The following NOS1AP variants were observed in gnomAD, a reference collection of about 807,000 sequenced individuals.
NOS1AP encodes carboxyl-terminal PDZ ligand of neuronal nitric oxide synthase protein.
In NOS1AP, 21 loss-of-function variants were observed where a neutral mutation model predicts 56.2. The ratio of observed to expected loss-of-function variants is 0.37; its 90% CI spans 0.26 to 0.54. The LOEUF is 0.54. Among genes scored for constraint, NOS1AP ranks in the 20% least tolerant of loss-of-function variants. NOS1AP has a pLI of 0.84. For missense variants in NOS1AP, 522 were observed against 657.8 expected (o/e 0.79, Z 2.26); for synonymous variants, 270 against 274.6 (o/e 0.98, Z 0.17).
intron 4 of NOS1AP, among the ~76,000 whole-genome samples, chr1:162,320,000 C>T (rs900959088): frequency 2.0e-5 from 3 of 152,188 alleles, no homozygotes; most frequent in African/African-American, 7.2e-5. Context: ...TTCCCACAGG[C>T]AGCTGGCTGC....
intron 1 of NOS1AP, among the ~76,000 whole-genome samples, chr1:162,104,895 C>T (rs185046291): frequency 6.6e-6 from 1 of 152,284 alleles, no homozygotes; most frequent in Admixed American, 6.5e-5. Context: ...CTTTCTGAAG[C>T]CTTCTTCTGT....
intron 4 of NOS1AP, among the ~76,000 whole-genome samples, chr1:162,305,420 T>C (rs1655794241): frequency 6.6e-6 from 1 of 152,008 alleles, no homozygotes; most frequent in African/African-American, 2.4e-5. Flanking sequence ...TTTATTACAG[T>C]ATACCTCTTT....
intron 1 of NOS1AP, among the ~76,000 whole-genome samples, chr1:162,081,334 A>C (rs1691881209): frequency 6.6e-6 from 1 of 152,128 alleles, no homozygotes; most frequent in Non-Finnish European, 1.5e-5. Context: ...TCACCTGTAA[A>C]GACTTTTCTG....
At chr1:162,281,232 A>G (rs1654915458) in intron 2 of NOS1AP, among the ~76,000 whole-genome samples, 1 of 152,200 alleles carries the variant, frequency 6.6e-6, no homozygotes, top group Non-Finnish European at 1.5e-5. Context: ...AAGTCCTTGC[A>G]CTTCGGAATG....
intron 8 of NOS1AP, chr1:162,363,719 C>A: frequency 1.2e-6 from 1 of 856,252 alleles, no homozygotes; most frequent in Non-Finnish European, 1.4e-6. Context: ...GTTTGGGGAG[C>A]TATATGTCAG....
At chr1:162,139,465 G>A (rs2102072463) in intron 1 of NOS1AP, among the ~76,000 whole-genome samples, 1 of 152,322 alleles carries the variant, frequency 6.6e-6, no homozygotes, top group South Asian at 2.1e-4. Context: ...CTCAGTGCTG[G>A]AGGAACAATG....
Position 162,154,456 on chromosome 1 carries a change from G to A in NOS1AP, c.157G>A (p.Ala53Thr). 5 of 1,614,116 alleles carry A rather than the reference G, an allele frequency of 3.1e-6. No individual in the cohort carries two copies. The highest frequency in any genetic ancestry group is 4.2e-6 in the Non-Finnish European group (5 of 1,180,018). ...GCCCAACAGCAGGGTGGAGATCGTG[G>A]CTGCCATGCGCCGGATACGGGTGAG... Reference protein sequence around the residue: ...PRPNSRVEIVAAMRRIRYEFK... With the variant: ...PRPNSRVEIVTAMRRIRYEFK... Residue 53 changes from alanine to threonine, a missense_variant, in exon 2 of 10, where the codon GCT becomes ACT. By Grantham distance (58) the Ala-to-Thr change is moderately conservative. Around this residue, in one of 4 missense-constraint regions of NOS1AP, gnomAD observed 132 missense variants for 218.1 expected, o/e 0.61. Coordinates refer to ENST00000361897, the MANE Select transcript of NOS1AP (RefSeq NM_014697.3).
intron 1 of NOS1AP, among the ~76,000 whole-genome samples, chr1:162,096,760 A>G (rs1051247596): frequency 2.0e-5 from 3 of 152,184 alleles, no homozygotes; most frequent in Non-Finnish European, 4.4e-5. Context: ...GTTTACCCTT[A>G]TTAGTTCATT....
intron 6 of NOS1AP, among the ~76,000 whole-genome samples, chr1:162,344,999 T>G (rs2101808350): frequency 6.6e-6 from 1 of 152,142 alleles, no homozygotes; most frequent in South Asian, 2.1e-4. Flanking sequence ...TACTTATGAA[T>G]AATCACAATA....
Position 162,116,929 on chromosome 1 carries a change from G to T in NOS1AP, c.106-37476G>T, listed in dbSNP as rs1028535558. Reference sequence around the variant, plus strand: ...ACATAGATCTGTAGCTTTTTGGGGGGGCTGGAGGGTACTCATATATTTCAT... The same window carrying T: ...ACATAGATCTGTAGCTTTTTGGGGGTGCTGGAGGGTACTCATATATTTCAT... On this transcript the variant is annotated intron_variant, in intron 1 of 9. Transcript: ENST00000361897. Among the ~76,000 whole-genome samples, 3 of 152,104 alleles carry T rather than the reference G, an allele frequency of 2.0e-5. No individual in the cohort carries two copies. In the South Asian group the frequency reaches 6.2e-4, roughly 31 times the overall value.
At chr1:162,089,062 A>AAAAT (rs1473675103) in intron 1 of NOS1AP, among the ~76,000 whole-genome samples, 1 of 152,144 alleles carries the variant, frequency 6.6e-6, no homozygotes, top group Non-Finnish European at 1.5e-5. Flanking sequence ...TTTTAATGCA[A>AAAAT]AATTGTATTT....
chr1:162,176,505 C>A (rs1389645071), intron 2 of NOS1AP, among the ~76,000 whole-genome samples: 1 of 87,470 alleles, frequency 1.1e-5, no homozygotes, highest in Non-Finnish European at 2.0e-5. Context: ...CATAATAGCT[C>A]TTTTTTTTTT....
At chr1:162,131,656 G>A (rs1443458425) in intron 1 of NOS1AP, among the ~76,000 whole-genome samples, 1 of 151,988 alleles carries the variant, frequency 6.6e-6, no homozygotes, top group African/African-American at 2.4e-5. Context: ...TGATTTAGCT[G>A]CTGTCCAAGC....
At chr1:162,089,727 A>G (rs1220834160) in intron 1 of NOS1AP, among the ~76,000 whole-genome samples, 2 of 152,202 alleles carry the variant, frequency 1.3e-5, no homozygotes, top group Non-Finnish European at 2.9e-5. Flanking sequence ...CCACAGAGGC[A>G]GATATTGGAG....
intron 3 of NOS1AP, 99 bp from the exon 4 acceptor site, chr1:162,300,534 C>A: frequency 2.8e-6 from 3 of 1,056,560 alleles, no homozygotes; most frequent in Non-Finnish European, 4.4e-6. Flanking sequence ...GGGAAAAAGT[C>A]AGGTCAGGAG....
At chr1:162,104,691 A>C (rs777174431) in intron 1 of NOS1AP, among the ~76,000 whole-genome samples, 1 of 151,694 alleles carries the variant, frequency 6.6e-6, no homozygotes, top group Non-Finnish European at 1.5e-5. Context: ...CACTTGGTCT[A>C]TTCTGCTACT....
intron 2 of NOS1AP, among the ~76,000 whole-genome samples, chr1:162,244,404 C>T (rs1007823902): frequency 6.6e-6 from 1 of 152,112 alleles, no homozygotes; most frequent in Non-Finnish European, 1.5e-5. Flanking sequence ...AGGACTGCTC[C>T]AAGTTCTATG....
At chr1:162,087,861 T>C (rs1692039033) in intron 1 of NOS1AP, among the ~76,000 whole-genome samples, 1 of 152,176 alleles carries the variant, frequency 6.6e-6, no homozygotes, top group Non-Finnish European at 1.5e-5. Flanking sequence ...AAACTTGTGA[T>C]CTCTGTCTTC....
At chr1:162,154,191 G>A (rs1649836337) in intron 1 of NOS1AP, among the ~76,000 whole-genome samples, 1 of 152,056 alleles carries the variant, frequency 6.6e-6, no homozygotes, top group African/African-American at 2.4e-5. Flanking sequence ...CTGGATCTCT[G>A]GTTAAGAGCA....
Sources: gnomAD v4.1 joint callset for allele counts (sites outside exome capture counted in the v4.1 genomes callset) on GRCh38, gnomAD v4.1.1 for gene constraint, gnomAD v4.1.1 regional missense constraint, MANE v1.5 for transcripts, NCBI Gene and HGNC (gene_info 2026-07-23, HGNC 2026-07-21) for gene names.